The following VARS1 variants were observed in gnomAD, a reference collection of about 807,000 sequenced individuals.
VARS1 encodes the protein valine--tRNA ligase.
In VARS1, 92 loss-of-function variants were observed where a neutral mutation model predicts 161.0. The observed-to-expected ratio is 0.57, with a 90% confidence interval of 0.48 to 0.68. VARS1 has a LOEUF of 0.68. VARS1 is among the 30% of genes least tolerant of loss of function. The pLI, the probability that VARS1 is intolerant of heterozygous loss-of-function variation, is 0.00. For synonymous variants in VARS1, 595 were observed against 682.5 expected, an observed-to-expected ratio of 0.87 and a Z score of 2.00; for missense variants, 1,338 against 1,695.9, an observed-to-expected ratio of 0.79 and a Z score of 3.71.
chr6:31,782,314 G>T lies in VARS1; in HGVS notation c.2121C>A (p.Arg707=). The change falls in exon 17 of 30, where the codon CGC becomes CGA. Residue 707 remains arginine (R), a synonymous_variant. Coordinates refer to ENST00000375663, the MANE Select transcript of VARS1 (RefSeq NM_006295.3). This position sits in a 1 kb window ranked among gnomAD's most constrained non-coding sequence, Gnocchi z 8.3. Reference sequence around the variant, plus strand: ...TGTTGTCCATCCAGGCATGCCATGTGCGCTGATGGGCCTCAGGCAGGATGC... The same window carrying T: ...TGTTGTCCATCCAGGCATGCCATGTTCGCTGATGGGCCTCAGGCAGGATGC... ...DLRILPEAHQ[R]TWHAWMDNIR... 1 of 1,613,024 alleles carries T rather than the reference G, an allele frequency of 6.2e-7. No homozygotes were observed. Among genetic ancestry groups the T allele is most frequent in the South Asian group, 1.1e-5 (1 of 91,066 alleles).
In VARS1 at chr6:31,785,173, G is replaced by A. The variant is rs1309945600; in HGVS notation, c.1347+73C>T. 4.4e-6 allele frequency: 7 copies of A among 1,578,222 alleles called. No homozygotes were observed. The highest frequency in any genetic ancestry group is 6.1e-6 in the Non-Finnish European group (7 of 1,149,794). ...CCTGAGAGAGGGCCACAACACCTCTGCTTTCTCCTGTGGGGGTCCCACCCT... is the reference window on the plus strand; with the variant it reads ...CCTGAGAGAGGGCCACAACACCTCTACTTTCTCCTGTGGGGGTCCCACCCT... On this transcript the variant is annotated intron_variant, in intron 10 of 29. Transcript: ENST00000375663. This position sits in a 1 kb window ranked among gnomAD's most constrained non-coding sequence, Gnocchi z 6.1.
In VARS1 at chr6:31,792,467, C is replaced by A; in HGVS notation, c.711G>T (p.Glu237Asp). ...LPKTAAQLKK[E>D]AKKREKLEKF... ...TCTCTAGCTTCTCCCGTTTCTTTGC[C>A]TCTTTCTTGAGCTGAGCAGCTGTCT... is the stretch of plus-strand genomic sequence containing the variant. The change falls in exon 5 of 30, where the codon GAG becomes GAT. Residue 237 changes from glutamate to aspartate, a missense_variant. By Grantham distance (45) the Glu-to-Asp change is conservative. This residue lies in a region of VARS1 where 902 missense variants were observed against 1,090.3 expected (regional missense o/e 0.83). Coordinates refer to ENST00000375663, the MANE Select transcript of VARS1 (RefSeq NM_006295.3). 2 of 1,613,960 alleles carry A rather than the reference C, an allele frequency of 1.2e-6. No homozygotes were observed. The highest frequency in any genetic ancestry group is 2.7e-5 in the African/African-American group (2 of 74,956).
At chr6:31,789,979 C>G (rs977843152) in intron 8 of VARS1, among the ~76,000 whole-genome samples, 1 of 151,276 alleles carries the variant, frequency 6.6e-6, no homozygotes, top group African/African-American at 2.4e-5. Context: ...TGCAGTGAGC[C>G]GAGACTGTGC....
Position 31,784,416 on chromosome 6 carries a change from A to C in VARS1, c.1554T>G (p.Phe518Leu). 1 of 1,614,132 alleles carries C rather than the reference A, an allele frequency of 6.2e-7. No homozygotes were observed. The highest frequency in any genetic ancestry group is 8.5e-7 in the Non-Finnish European group (1 of 1,180,038). ...TACCTGAGCCTTGGACCTTATAGGC[A>C]AAGGACACGAGGACCCCGAACTCCA... ...EKVEFGVLVSFAYKVQGSDSD... is the reference protein window; with the variant it reads ...EKVEFGVLVSLAYKVQGSDSD... Residue 518 changes from phenylalanine (F) to leucine (L), a missense_variant, in exon 12 of 30, where the codon TTT (phenylalanine) becomes TTG (leucine). Phe to Leu is a conservative substitution (Grantham distance 22, BLOSUM62 0). Around this residue, in one of 3 missense-constraint regions of VARS1, gnomAD observed 902 missense variants for 1,090.3 expected, o/e 0.83. Transcript: ENST00000375663. This position sits in a 1 kb window ranked among gnomAD's most constrained non-coding sequence, Gnocchi z 6.1.
intron 13 of VARS1, 126 bp from the exon 14 acceptor site, chr6:31,783,312 C>T: frequency 1.1e-6 from 1 of 934,342 alleles, no homozygotes; most frequent in Non-Finnish European, 1.6e-6. Context: ...GGAGACCAGC[C>T]TGGCCAACAT....
At chr6:31,792,351 C>T (rs1235594448) in intron 5 of VARS1, 41 bp downstream of exon 5, 8 of 1,613,844 alleles carry the variant, frequency 5.0e-6, no homozygotes, top group Admixed American at 3.3e-5. Flanking sequence ...AACCCATCAC[C>T]GCACACATCA....
At position 31,791,974 on chromosome 6, in the gene VARS1, G is replaced by T. The variant is rs780770068; in HGVS notation, c.872-3C>A. ...GTCGGGCATGGGGCCACTGACATCT[G>T]GGGGAGAGGAAGGGAGGGCTCAGTG... On this transcript the variant is annotated splice_polypyrimidine_tract_variant and splice_region_variant and intron_variant, in intron 6 of 29. Coordinates refer to ENST00000375663, the MANE Select transcript of VARS1 (RefSeq NM_006295.3). This position sits in a 1 kb window ranked among gnomAD's most constrained non-coding sequence, Gnocchi z 5.0. The T allele has an allele frequency of 2.5e-6, 4 of 1,579,726 alleles. No homozygotes were observed. The highest frequency in any genetic ancestry group is 3.4e-6 in the Non-Finnish European group (4 of 1,162,140).
intron 8 of VARS1, among the ~76,000 whole-genome samples, chr6:31,787,515 C>T (rs993040299): frequency 1.3e-5 from 2 of 151,790 alleles, no homozygotes; most frequent in African/African-American, 4.8e-5. Flanking sequence ...CGTGGTGGTG[C>T]GTGCCTGTAG....
In VARS1 at chr6:31,791,982, G is replaced by C. The variant is rs1813899761; in HGVS notation, c.872-11C>G. The stretch of plus-strand genomic sequence containing the variant: ...TGGGGCCACTGACATCTGGGGGAGA[G>C]GAAGGGAGGGCTCAGTGCCGTGGCT... On this transcript the variant is annotated splice_polypyrimidine_tract_variant and intron_variant, in intron 6 of 29. Coordinates refer to ENST00000375663, the MANE Select transcript of VARS1 (RefSeq NM_006295.3). The surrounding 1 kb of genome is among the most constrained non-coding windows in gnomAD (Gnocchi z 5.0). 4 of 1,570,068 alleles carry C rather than the reference G, an allele frequency of 2.5e-6. No homozygotes were observed. Among genetic ancestry groups the C allele is most frequent in the Non-Finnish European group, 3.5e-6 (4 of 1,158,008 alleles).
In VARS1 at chr6:31,782,075, C is replaced by A. The variant is rs1439498624; in HGVS notation, c.2241+12G>T. 6.2e-7 allele frequency: 1 copy of A among 1,612,688 alleles called. No individual in the cohort carries two copies. The highest frequency in any genetic ancestry group is 8.5e-7 in the Non-Finnish European group (1 of 1,179,296). On this transcript the variant is annotated intron_variant, in intron 18 of 29. Transcript: ENST00000375663. This position sits in a 1 kb window ranked among gnomAD's most constrained non-coding sequence, Gnocchi z 8.3. ...AGGGTGTCCCAGCAGCTAGCTCTGG[C>A]CCTCTGCTCACCTCCCCAGGGGGCA...
At position 31,782,307 on chromosome 6, in the gene VARS1, G is replaced by A. The variant is rs762882519; in HGVS notation, c.2128C>T (p.His710Tyr). Residue 710 changes from histidine to tyrosine, a missense_variant, in exon 17 of 30, where the codon CAT (histidine) becomes TAT (tyrosine). His to Tyr is a moderately conservative substitution (Grantham distance 83). This residue lies in a region of VARS1 where 902 missense variants were observed against 1,090.3 expected (regional missense o/e 0.83). Coordinates refer to ENST00000375663, the MANE Select transcript of VARS1 (RefSeq NM_006295.3). The surrounding 1 kb of genome is among the most constrained non-coding windows in gnomAD (Gnocchi z 8.3). Reference sequence around the variant, plus strand: ...CACCGGATGTTGTCCATCCAGGCATGCCATGTGCGCTGATGGGCCTCAGGC... The same window carrying A: ...CACCGGATGTTGTCCATCCAGGCATACCATGTGCGCTGATGGGCCTCAGGC... ...ILPEAHQRTW[H>Y]AWMDNIREWC... 1 of 1,612,984 alleles carries A rather than the reference G, an allele frequency of 6.2e-7. No homozygotes were observed. The highest frequency in any genetic ancestry group is 8.5e-7 in the Non-Finnish European group (1 of 1,179,942).
In VARS1 at chr6:31,777,696, G is replaced by T; in HGVS notation, c.3727-34C>A. On this transcript the variant is annotated intron_variant, in intron 29 of 29. Coordinates refer to ENST00000375663, the MANE Select transcript of VARS1 (RefSeq NM_006295.3). This position sits in a 1 kb window ranked among gnomAD's most constrained non-coding sequence, Gnocchi z 5.8. ...GAACCAGGGGGTGGGTGAGGACCCA[G>T]GTCCAAGTGAAGAGACCCCCAAACA... is the stretch of plus-strand genomic sequence containing the variant. 6.2e-7 allele frequency: 1 copy of T among 1,604,532 alleles called. No homozygotes were observed. Among genetic ancestry groups the T allele is most frequent in the Non-Finnish European group, 8.5e-7 (1 of 1,175,250 alleles).
rs1362186089 is a variant in VARS1 at position 31,795,498 on chromosome 6, A to G, written c.-34+48T>C. The G allele has an allele frequency of 1.5e-5, 5 of 338,736 alleles. No individual in the cohort carries two copies. The highest frequency in any genetic ancestry group is 2.7e-5 in the Non-Finnish European group (5 of 188,034). 21.0% of individuals were successfully genotyped at this position (338,736 alleles called of 1,614,324 possible). A position where few individuals can be genotyped will look rare whatever the true frequency, so the allele number is the denominator to read the frequency against. ...TCGGGGAGTGTGGAAGGCTCTCAGG[A>G]GCGGGTCGGCGTCTGGTTGGATGCG... On this transcript the variant is annotated intron_variant, in intron 1 of 29. Coordinates refer to ENST00000375663, the MANE Select transcript of VARS1 (RefSeq NM_006295.3). This position sits in a 1 kb window ranked among gnomAD's most constrained non-coding sequence, Gnocchi z 6.9.
chr6:31,787,138 C>T (rs535459349), intron 8 of VARS1, among the ~76,000 whole-genome samples: 29 of 151,238 alleles, frequency 1.9e-4, no homozygotes, highest in Middle Eastern at 7.2e-3. Context: ...GAGGTTGAGG[C>T]TGCACCAAGC....
At chr6:31,783,985 AG>A (rs376745510) in intron 13 of VARS1, among the ~76,000 whole-genome samples, 31 of 152,154 alleles carry the variant, frequency 2.0e-4, no homozygotes, top group African/African-American at 6.8e-4. Flanking sequence ...AAATGCACGA[AG>A]GGCTGGGCCC....
At chr6:31,792,357 C>G in intron 5 of VARS1, 35 bp downstream of exon 5, 1 of 1,614,034 alleles carries the variant, frequency 6.2e-7, no homozygotes, top group Non-Finnish European at 8.5e-7. Flanking sequence ...TCACCGCACA[C>G]ATCAACTTTC....
chr6:31,784,307 A>T lies in VARS1; in HGVS notation c.1578T>A (p.Asp526Glu), dbSNP rs953585891. The T allele has an allele frequency of 2.5e-6, 4 of 1,614,024 alleles. No individual in the cohort carries two copies. The African/African-American group carries it at 5.3e-5, about 22-fold the overall frequency. ...VSFAYKVQGS[D>E]SDEEVVVATT... The stretch of plus-strand genomic sequence containing the variant: ...TTGCCACCACCACCTCCTCGTCGCT[A>T]TCTGGGGTGACAGAAGGCCTTGTGG... Residue 526 changes from aspartate to glutamate, a missense_variant and splice_region_variant, in exon 13 of 30, where the codon GAT (aspartate) becomes GAA (glutamate). This residue lies in a region of VARS1 where 902 missense variants were observed against 1,090.3 expected (regional missense o/e 0.83). Coordinates refer to ENST00000375663, the MANE Select transcript of VARS1 (RefSeq NM_006295.3). The surrounding 1 kb of genome is among the most constrained non-coding windows in gnomAD (Gnocchi z 6.1).
At position 31,779,724 on chromosome 6, in the gene VARS1, G is replaced by A. The variant is rs1562293143; in HGVS notation, c.3172C>T (p.Arg1058Trp). 4 of 1,612,994 alleles carry A rather than the reference G, an allele frequency of 2.5e-6. No homozygotes were observed. Among genetic ancestry groups the A allele is most frequent in the South Asian group, 1.1e-5 (1 of 91,084 alleles). Residue 1058 changes from arginine (R) to tryptophan (W), a missense_variant, in exon 27 of 30, where the codon CGG becomes TGG. Transcript: ENST00000375663. The surrounding 1 kb of genome is among the most constrained non-coding windows in gnomAD (Gnocchi z 9.1). Reference protein sequence around the residue: ...TLYTCLDVGLRLLSPFMPFVT... With the variant: ...TLYTCLDVGLWLLSPFMPFVT... ...AAGGGCATGAAGGGTGAGAGCAGCC[G>A]CAGGCCAACGTCCAGGCAAGTGTAC... is the stretch of plus-strand genomic sequence containing the variant.
Position 31,780,028 on chromosome 6 carries a change from G to GA in VARS1, c.3050dup (p.Trp1018LeufsTer4), listed in dbSNP as rs1252833476. 3 of 1,613,996 alleles carry GA rather than the reference G, an allele frequency of 1.9e-6. No individual in the cohort carries two copies. The highest frequency in any genetic ancestry group is 1.7e-6 in the Non-Finnish European group (2 of 1,180,030). Reference sequence around the variant, plus strand: ...AGACATCACAGAGCTCATAGAGCCAGAAGCTGTACTGGGCAGTGGTGACGG... The same window carrying GA: ...AGACATCACAGAGCTCATAGAGCCAGAAAGCTGTACTGGGCAGTGGTGACGG... On this transcript the variant is annotated frameshift_variant, in exon 26 of 30. Transcript: ENST00000375663. LOFTEE classifies it high-confidence loss of function. This position sits in a 1 kb window ranked among gnomAD's most constrained non-coding sequence, Gnocchi z 5.1.
Sources: allele counts gnomAD v4.1 joint callset (sites outside exome capture counted in the v4.1 genomes callset), GRCh38; gene constraint gnomAD v4.1.1; regional missense constraint gnomAD v4.1.1; non-coding constraint Gnocchi (gnomAD v3.1); transcripts MANE v1.5; gene names NCBI Gene and HGNC (gene_info 2026-07-23, HGNC 2026-07-21).